Variants in HPF1 observed in about 807,000 individuals in gnomAD.
HPF1 encodes histone PARylation factor 1.
A neutral mutation model predicts 38.8 loss-of-function variants in HPF1; 35 were observed. The ratio of observed to expected loss-of-function variants is 0.90; its 90% CI spans 0.69 to 1.19. HPF1 has a LOEUF of 1.19. Ranked by LOEUF, HPF1 falls within the 50% of genes most tolerant of loss-of-function variation. The pLI, the probability that HPF1 is intolerant of heterozygous loss-of-function variation, is 0.00. For synonymous variants in HPF1, 115 were observed against 139.2 expected, an observed-to-expected ratio of 0.83 and a Z score of 1.22; for missense variants, 367 against 405.8, an observed-to-expected ratio of 0.90 and a Z score of 0.82.
intron 6 of HPF1, among the ~76,000 whole-genome samples, chr4:169,735,445 T>C (rs1733880222): frequency 1.3e-5 from 2 of 152,192 alleles, no homozygotes; most frequent in African/African-American, 2.4e-5. Context: ...TCTTGGCAAA[T>C]GACACTGGCA....
rs773864808 is a variant in HPF1 at position 169,729,697 on chromosome 4, C to A, written c.922G>T (p.Val308Phe). ...FCYGSHYFHK[V>F]AGQLLPLAYN... ...GCAAGAGGTAAAAGCTGGCCAGCAA[C>A]TTTATGAAAATACTGAAAAATAAAA... is the stretch of plus-strand genomic sequence containing the variant. Residue 308 changes from valine (V) to phenylalanine (F), a missense_variant, in exon 8 of 8, where the codon GTT becomes TTT. Coordinates refer to ENST00000393381, the MANE Select transcript of HPF1 (RefSeq NM_017867.3). 2 of 1,512,596 alleles carry A rather than the reference C, an allele frequency of 1.3e-6. No homozygotes were observed. The highest frequency in any genetic ancestry group is 1.8e-6 in the Non-Finnish European group (2 of 1,130,978). 93.7% of individuals were successfully genotyped at this position (1,512,596 alleles called of 1,614,324 possible). A position where few individuals can be genotyped will look rare whatever the true frequency, so the allele number is the denominator to read the frequency against.
chr4:169,747,267 A>G (rs112921607), intron 4 of HPF1, among the ~76,000 whole-genome samples: 2 of 152,054 alleles, frequency 1.3e-5, no homozygotes, highest in African/African-American at 4.8e-5. Flanking sequence ...TGATAAATCC[A>G]AAGAGTTTAA....
chr4:169,754,669 C>T (rs1734162292), intron 1 of HPF1, among the ~76,000 whole-genome samples: 1 of 152,056 alleles, frequency 6.6e-6, no homozygotes, highest in African/African-American at 2.4e-5. Flanking sequence ...TAAGTTCTTT[C>T]CTTTTTATTC....
chr4:169,753,635 A>G lies in HPF1; in HGVS notation c.208+41T>C, dbSNP rs112947664. 1.9e-5 allele frequency: 30 copies of G among 1,557,768 alleles called. No homozygotes were observed. In the African/African-American group the frequency reaches 3.3e-4, roughly 17 times the overall value. On this transcript the variant is annotated intron_variant, in intron 2 of 7. Coordinates refer to ENST00000393381, the MANE Select transcript of HPF1 (RefSeq NM_017867.3). ...CACCCAGCTGGTTTCCTATTACATT[A>G]CTCTTTCCATTAATACAAGAATGAT...
chr4:169,738,948 T>A (rs1200404492), intron 5 of HPF1, among the ~76,000 whole-genome samples: 2 of 151,484 alleles, frequency 1.3e-5, no homozygotes, highest in African/African-American at 2.4e-5. Context: ...ATGAGAACAC[T>A]TGGACACAGA....
At chr4:169,750,811 G>A in intron 2 of HPF1, 86 bp from the exon 3 acceptor site, 4 of 1,048,098 alleles carry the variant, frequency 3.8e-6, no homozygotes, top group South Asian at 1.9e-5. Context: ...CTAAGCAATT[G>A]TCTTTAAAAA....
At chr4:169,756,838 A>T (rs1734193612) in intron 1 of HPF1, among the ~76,000 whole-genome samples, 1 of 152,174 alleles carries the variant, frequency 6.6e-6, no homozygotes, top group Non-Finnish European at 1.5e-5. Flanking sequence ...TTACTCACAC[A>T]CTAGTTCAGC....
At position 169,750,565 on chromosome 4, in the gene HPF1, A is replaced by C; in HGVS notation, c.369T>G (p.Asn123Lys). The part of the protein sequence containing the change: ...PEFQTIIIGD[N>K]KTQYHMGYFR... Reference sequence around the variant, plus strand: ...AATACCCCATGTGGTACTGAGTTTTATTATCTCCAATAATAATGGTCTGGA... The same window carrying C: ...AATACCCCATGTGGTACTGAGTTTTCTTATCTCCAATAATAATGGTCTGGA... Residue 123 changes from asparagine to lysine, a missense_variant, in exon 3 of 8, where the codon AAT (asparagine) becomes AAG (lysine). Asn to Lys is a moderately conservative substitution (Grantham distance 94). Coordinates refer to ENST00000393381, the MANE Select transcript of HPF1 (RefSeq NM_017867.3). 6.2e-7 allele frequency: 1 copy of C among 1,609,954 alleles called. No homozygotes were observed. The highest frequency in any genetic ancestry group is 8.5e-7 in the Non-Finnish European group (1 of 1,178,682).
At chr4:169,756,881 C>T (rs901475860) in intron 1 of HPF1, among the ~76,000 whole-genome samples, 3 of 152,196 alleles carry the variant, frequency 2.0e-5, no homozygotes, top group African/African-American at 7.2e-5. Context: ...GGATTTAGAA[C>T]AGCTGTCCCC....
intron 6 of HPF1, 22 bp downstream of exon 6, chr4:169,737,638 T>A: frequency 7.1e-7 from 1 of 1,417,376 alleles, no homozygotes; most frequent in South Asian, 1.1e-5. Context: ...TATATGCACA[T>A]GTTTACTATG....
At chr4:169,755,136 G>A (rs116044392) in intron 1 of HPF1, among the ~76,000 whole-genome samples, 2,151 of 135,836 alleles carry the variant, frequency 0.016, 50 homozygotes, top group African/African-American at 0.054. Context: ...ATCATTCAAC[G>A]TCTACAAAAT....
At chr4:169,736,444 T>C (rs931555156) in intron 6 of HPF1, among the ~76,000 whole-genome samples, 14 of 151,112 alleles carry the variant, frequency 9.3e-5, no homozygotes, top group African/African-American at 3.4e-4. Flanking sequence ...TCAGTGGCCA[T>C]CACACTGGAC....
chr4:169,753,746 C>G lies in HPF1; in HGVS notation c.138G>C (p.Lys46Asn). Residue 46 changes from lysine to asparagine, a missense_variant, in exon 2 of 8, where the codon AAG becomes AAC. Lys to Asn is a moderately conservative substitution (Grantham distance 94). Transcript: ENST00000393381. ...DLRKEVENHYKLSLPEDFYHF... is the reference protein window; with the variant it reads ...DLRKEVENHYNLSLPEDFYHF... ...GATAGAAATCTTCAGGTAAAGAAAG[C>G]TTATAATGATTTTCTACTTCTTTTC... 6.2e-7 allele frequency: 1 copy of G among 1,613,384 alleles called. No homozygotes were observed. Among genetic ancestry groups the G allele is most frequent in the Non-Finnish European group, 8.5e-7 (1 of 1,179,636 alleles).
chr4:169,742,116 GAAGTAA>G lies in HPF1; in HGVS notation c.498-15_498-10del. On this transcript the variant is annotated splice_polypyrimidine_tract_variant and intron_variant, in intron 4 of 7. Transcript: ENST00000393381. The stretch of plus-strand genomic sequence containing the variant: ...TTTTCGTCAAAAATAATCTGAAAAA[GAAGTAA>G]AAGTCCGCATTATGTGGCAGGCCAC... 1 of 1,608,066 alleles carries G rather than the reference GAAGTAA, an allele frequency of 6.2e-7. No homozygotes were observed. The highest frequency in any genetic ancestry group is 8.5e-7 in the Non-Finnish European group (1 of 1,177,952).
chr4:169,748,900 G>T, intron 3 of HPF1, 58 bp from the exon 4 acceptor site: 1 of 790,980 alleles, frequency 1.3e-6, no homozygotes, highest in Non-Finnish European at 2.1e-6. Flanking sequence ...TATCAGGCAA[G>T]TGGGATTTCA....
intron 1 of HPF1, among the ~76,000 whole-genome samples, chr4:169,754,583 A>C (rs1470768985): frequency 6.6e-6 from 1 of 152,034 alleles, no homozygotes; most frequent in Non-Finnish European, 1.5e-5. Flanking sequence ...CAATATGCTT[A>C]ATTGGAAGTT....
chr4:169,747,185 A>G (rs1734060437), intron 4 of HPF1, among the ~76,000 whole-genome samples: 1 of 150,996 alleles, frequency 6.6e-6, no homozygotes, highest in African/African-American at 2.4e-5. Flanking sequence ...TTAACATGCT[A>G]GTGCAAGAGA....
chr4:169,734,382 G>A (rs1733867536), intron 6 of HPF1, among the ~76,000 whole-genome samples: 1 of 152,114 alleles, frequency 6.6e-6, no homozygotes, highest in South Asian at 2.1e-4. Flanking sequence ...GTATGGAAGT[G>A]AAGAATTTAA....
At chr4:169,732,582 G>GT (rs1023958018) in intron 6 of HPF1, among the ~76,000 whole-genome samples, 97 of 152,126 alleles carry the variant, frequency 6.4e-4, no homozygotes, top group African/African-American at 2.3e-3. Flanking sequence ...CTCAAACTAA[G>GT]TTTTTTTCAT....
Sources: gnomAD v4.1 joint callset for allele counts (sites outside exome capture counted in the v4.1 genomes callset) on GRCh38, gnomAD v4.1.1 for gene constraint, MANE v1.5 for transcripts, NCBI Gene and HGNC (gene_info 2026-07-23, HGNC 2026-07-21) for gene names.